Variants in SULF1 observed in about 807,000 individuals in gnomAD.
The protein encoded by SULF1 is extracellular sulfatase Sulf-1.
Under a neutral mutation model 110.5 loss-of-function variants are expected in SULF1, and 46 were observed. The ratio of observed to expected loss-of-function variants is 0.42; its 90% CI spans 0.33 to 0.53. SULF1 has a LOEUF of 0.53. SULF1 is among the 20% of genes least tolerant of loss of function. The probability of loss-of-function intolerance (pLI) is 0.12; values close to 1 mark genes in which losing one functional copy is unlikely to be tolerated. For synonymous variants in SULF1, 371 were observed against 387.1 expected (o/e 0.96, Z 0.49); for missense variants, 941 against 1,094.2 (o/e 0.86, Z 1.98).
At chr8:69,552,619 T>C (rs1248813522) in intron 3 of SULF1, among the ~76,000 whole-genome samples, 2 of 152,234 alleles carry the variant, frequency 1.3e-5, no homozygotes, top group Non-Finnish European at 2.9e-5. Flanking sequence ...TTAAATATGC[T>C]GGCTTGCTAT....
intron 13 of SULF1, among the ~76,000 whole-genome samples, chr8:69,620,084 G>A (rs1053787421): frequency 1.3e-5 from 2 of 152,118 alleles, no homozygotes; most frequent in Non-Finnish European, 2.9e-5. Flanking sequence ...TCAGTGGGAC[G>A]GATGGGGAGC....
intron 6 of SULF1, among the ~76,000 whole-genome samples, chr8:69,576,425 A>C (rs532729205): frequency 5.9e-5 from 9 of 152,246 alleles, no homozygotes; most frequent in African/African-American, 1.4e-4. Context: ...GGGTAAATCA[A>C]TCATGTGTAC....
In SULF1 at chr8:69,512,860, T is replaced by C. The variant is rs570052238; in HGVS notation, c.-134+10892T>C. ...GCAACTGACATAGGCCAGAATACCC[T>C]TGTGCCACACTTATGAAAAGCTAAA... is the stretch of plus-strand genomic sequence containing the variant. On this transcript the variant is annotated intron_variant, in intron 3 of 22. Coordinates refer to ENST00000402687, the MANE Select transcript of SULF1 (RefSeq NM_001128205.2). Among the ~76,000 whole-genome samples, 3 of 152,328 alleles carry C rather than the reference T, an allele frequency of 2.0e-5. No individual in the cohort carries two copies. The South Asian group carries it at 6.2e-4, about 32-fold the overall frequency.
chr8:69,508,183 T>A (rs1370669342), intron 3 of SULF1, among the ~76,000 whole-genome samples: 1 of 151,964 alleles, frequency 6.6e-6, no homozygotes, highest in African/African-American at 2.4e-5. Context: ...TCAGCTCACA[T>A]CAACCTCCGC....
At chr8:69,573,937 C>T (rs1805420730) in intron 5 of SULF1, among the ~76,000 whole-genome samples, 1 of 152,214 alleles carries the variant, frequency 6.6e-6, no homozygotes, top group Admixed American at 6.5e-5. Context: ...ATCACCACAT[C>T]ACTTGGGTCT....
At chr8:69,499,367 C>G (rs771335579) in intron 2 of SULF1, among the ~76,000 whole-genome samples, 10 of 152,142 alleles carry the variant, frequency 6.6e-5, no homozygotes, top group Non-Finnish European at 1.5e-4. Flanking sequence ...CCAGATGATG[C>G]TGTTTTGCTG....
At chr8:69,505,805 C>T (rs531789205) in intron 3 of SULF1, among the ~76,000 whole-genome samples, 1 of 152,072 alleles carries the variant, frequency 6.6e-6, no homozygotes, top group Non-Finnish European at 1.5e-5. Context: ...TGAAACATTT[C>T]TCATTGAAGA....
chr8:69,595,804 C>T (rs1228567489), intron 8 of SULF1, among the ~76,000 whole-genome samples: 1 of 152,086 alleles, frequency 6.6e-6, no homozygotes, highest in Non-Finnish European at 1.5e-5. Flanking sequence ...ACACCAAAGG[C>T]CATCGACATT....
At position 69,601,632 on chromosome 8, in the gene SULF1, TTG is replaced by T; in HGVS notation, c.886-20_886-19del. ...TTATACCAGCACAATTGATTCTGACTTGTTCCTTTGCTGTATTTCAGCTGTAT... is the reference window on the plus strand; with the variant it reads ...TTATACCAGCACAATTGATTCTGACTTTCCTTTGCTGTATTTCAGCTGTAT... On this transcript the variant is annotated intron_variant, in intron 9 of 22. Transcript: ENST00000402687. 1.9e-6 allele frequency: 3 copies of T among 1,586,476 alleles called. No homozygotes were observed. The highest frequency in any genetic ancestry group is 2.6e-6 in the Non-Finnish European group (3 of 1,163,644).
intron 1 of SULF1, among the ~76,000 whole-genome samples, chr8:69,468,447 T>C (rs1002546788): frequency 6.6e-6 from 1 of 152,252 alleles, no homozygotes; most frequent in African/African-American, 2.4e-5. Context: ...AATATTTTAA[T>C]ATGGTCTTTA....
intron 3 of SULF1, among the ~76,000 whole-genome samples, chr8:69,554,708 C>A (rs1354490011): frequency 6.6e-6 from 1 of 151,728 alleles, no homozygotes; most frequent in African/African-American, 2.4e-5. Flanking sequence ...GGTGAGTCGC[C>A]GTGGCTCACA....
chr8:69,545,965 G>A (rs1342454013), intron 3 of SULF1, among the ~76,000 whole-genome samples: 1 of 152,186 alleles, frequency 6.6e-6, no homozygotes, highest in Non-Finnish European at 1.5e-5. Flanking sequence ...AAAGTGCTGA[G>A]ATTACAGGCG....
chr8:69,607,271 C>T (rs1261178543), intron 13 of SULF1, among the ~76,000 whole-genome samples: 1 of 152,234 alleles, frequency 6.6e-6, no homozygotes, highest in Admixed American at 6.5e-5. Flanking sequence ...CAAACCATAG[C>T]TTAGGAATCT....
At chr8:69,484,940 G>GCTA (rs1809644312) in intron 1 of SULF1, among the ~76,000 whole-genome samples, 1 of 151,922 alleles carries the variant, frequency 6.6e-6, no homozygotes, top group Non-Finnish European at 1.5e-5. Flanking sequence ...CTGAGCTCAA[G>GCTA]CTACTGTCCT....
intron 22 of SULF1, among the ~76,000 whole-genome samples, chr8:69,656,314 GTTTAT>G (rs1413744719): frequency 2.0e-5 from 3 of 152,100 alleles, no homozygotes; most frequent in Admixed American, 6.5e-5. Flanking sequence ...TGTCGTTGTT[GTTTAT>G]TTTATTTTTT....
chr8:69,625,683 GGTGA>G (rs1398100167), intron 15 of SULF1, among the ~76,000 whole-genome samples: 3 of 152,180 alleles, frequency 2.0e-5, no homozygotes, highest in Non-Finnish European at 2.9e-5. Flanking sequence ...AGATCTTCGC[GGTGA>G]GTGTTACAGC....
In SULF1 at chr8:69,659,245, A is replaced by G. The variant is rs1026211012; in HGVS notation, c.*710A>G. ...CAGCATAGCGGGGAAGATGTTGACCAAGGTGGAGAAGAATCACGAAAAGGA... is the reference window on the plus strand; with the variant it reads ...CAGCATAGCGGGGAAGATGTTGACCGAGGTGGAGAAGAATCACGAAAAGGA... On this transcript the variant is annotated 3_prime_UTR_variant, in exon 23 of 23. Transcript: ENST00000402687. The G allele has an allele frequency of 4.4e-6, 2 of 454,510 alleles. No individual in the cohort carries two copies. Among genetic ancestry groups the G allele is most frequent in the Non-Finnish European group, 8.8e-6 (2 of 226,124 alleles). 28.2% of individuals were successfully genotyped at this position (454,510 alleles called of 1,614,324 possible).
intron 3 of SULF1, among the ~76,000 whole-genome samples, chr8:69,513,604 T>C (rs2150594818): frequency 6.6e-6 from 1 of 152,300 alleles, no homozygotes; most frequent in South Asian, 2.1e-4. Flanking sequence ...TAATAAGATA[T>C]AGGCATCAGA....
At chr8:69,600,194 C>T (rs1264564442) in intron 8 of SULF1, among the ~76,000 whole-genome samples, 1 of 152,140 alleles carries the variant, frequency 6.6e-6, no homozygotes, top group East Asian at 1.9e-4. Flanking sequence ...TTTGTGACTA[C>T]ATTTAATAGC....
Sources: gnomAD v4.1 joint callset for allele counts (sites outside exome capture counted in the v4.1 genomes callset) on GRCh38, gnomAD v4.1.1 for gene constraint, MANE v1.5 for transcripts, NCBI Gene and HGNC (gene_info 2026-07-23, HGNC 2026-07-21) for gene names.